HSD17B12: variants seen among roughly 807,000 people sequenced by gnomAD.
HSD17B12 encodes the protein very-long-chain 3-oxoacyl-CoA reductase.
A neutral mutation model predicts 39.3 loss-of-function variants in HSD17B12; 32 were observed. The observed-to-expected ratio is 0.81, with a 90% CI of 0.61 to 1.09. The LOEUF is 1.09. Among genes scored for constraint, HSD17B12 ranks in the 50% least tolerant of loss-of-function variants. The pLI is 0.00. For synonymous variants in HSD17B12, 150 were observed against 146.7 expected (o/e 1.02, Z -0.16); for missense variants, 342 against 382.9 (o/e 0.89, Z 0.89).
intron 3 of HSD17B12, among the ~76,000 whole-genome samples, chr11:43,791,743 A>T (rs1023351626): frequency 1.3e-5 from 2 of 152,208 alleles, no homozygotes; most frequent in African/African-American, 4.8e-5. Flanking sequence ...GATGGAGCCT[A>T]TTCACGTCCT....
chr11:43,815,085 G>A (rs1951109444), intron 4 of HSD17B12, among the ~76,000 whole-genome samples: 1 of 152,066 alleles, frequency 6.6e-6, no homozygotes. Context: ...TCTTTCTACT[G>A]CACTATGAAA....
At chr11:43,557,242 T>A in the HSD17B12 span, among the ~76,000 whole-genome samples, 1 of 152,274 alleles carries the variant, frequency 6.6e-6, no homozygotes, top group East Asian at 1.9e-4. Context: ...GTTCTGTGGT[T>A]TGGGGGTGGA....
At chr11:43,814,267 C>T (rs193227423) in intron 4 of HSD17B12, among the ~76,000 whole-genome samples, 3 of 151,952 alleles carry the variant, frequency 2.0e-5, no homozygotes, top group African/African-American at 7.2e-5. Flanking sequence ...GTTTGAATCC[C>T]GGCATACTTT....
intron 1 of HSD17B12, chr11:43,734,311 G>T (rs969506372): frequency 1.5e-4 from 171 of 1,122,912 alleles, no homozygotes; most frequent in Admixed American, 6.8e-5. Context: ...AAGCCAAAAA[G>T]GTGGCTCAGC....
intron 6 of HSD17B12, among the ~76,000 whole-genome samples, chr11:43,825,939 AATT>A (rs77121064): frequency 0.64 from 96,445 of 151,716 alleles, 31,089 homozygotes; most frequent in East Asian, 0.71. Flanking sequence ...CAACTTTAGA[AATT>A]ATTTTCTCCT....
chr11:43,629,411 A>G, the HSD17B12 span, among the ~76,000 whole-genome samples: 1 of 152,120 alleles, frequency 6.6e-6, no homozygotes, highest in Non-Finnish European at 1.5e-5. Context: ...ACCTTCAGAG[A>G]GCTACTATTA....
intron 1 of HSD17B12, among the ~76,000 whole-genome samples, chr11:43,683,094 GTTTTTT>G: frequency 1.2e-5 from 1 of 81,000 alleles, no homozygotes; most frequent in African/African-American, 4.6e-5. Flanking sequence ...GCCTGGATGT[GTTTTTT>G]TTTGTTTTTT....
Position 43,734,060 on chromosome 11 carries a change from A to G in HSD17B12, c.161-16851A>G, listed in dbSNP as rs142612664. 569 of 886,470 alleles carry G rather than the reference A, an allele frequency of 6.4e-4. 1 individual carries two copies. The African/African-American group carries it at 8.1e-3, about 13-fold the overall frequency. The allele number at this position is 886,470 out of a possible 1,614,324, so 54.9% of individuals were successfully genotyped here. A position where few individuals can be genotyped will look rare whatever the true frequency, so the allele number is the denominator to read the frequency against. On this transcript the variant is annotated intron_variant, in intron 1 of 10. Transcript: ENST00000278353. ...TCCTCTTCCGGCCTATCGCTAGCCA[A>G]CTTCCTCATATCTTCACCAGCATCG...
chr11:43,694,340 T>G (rs1248743196), intron 1 of HSD17B12, among the ~76,000 whole-genome samples: 1 of 152,092 alleles, frequency 6.6e-6, no homozygotes, highest in Non-Finnish European at 1.5e-5. Flanking sequence ...ATAAGGGTGA[T>G]TTTAAGGCCA....
rs73540441 is a variant in HSD17B12, at chr11:43,733,888, G to A, written c.161-17023G>A. ...AGCTGCGATCTTTGACCAATTCCAT[G>A]GAGTACAGGACATTGTAGTAGGGGA... On this transcript the variant is annotated intron_variant, in intron 1 of 10. Coordinates refer to ENST00000278353, the MANE Select transcript of HSD17B12 (RefSeq NM_016142.3). 5.0e-3 allele frequency: 3,379 copies of A among 681,710 alleles called. 88 individuals are homozygous for A. The African/African-American group carries it at 0.05, about 10-fold the overall frequency. The allele number at this position is 681,710 out of a possible 1,614,324, so 42.2% of individuals were successfully genotyped here. A position where few individuals can be genotyped will look rare whatever the true frequency, so the allele number is the denominator to read the frequency against.
At position 43,829,800 on chromosome 11, in the gene HSD17B12, AC is replaced by A. The variant is rs1364264352; in HGVS notation, c.502-1175del. 6 of 152,186 alleles carry A rather than the reference AC, an allele frequency of 3.9e-5. No individual in the cohort carries two copies. In the East Asian group the frequency reaches 9.6e-4, roughly 24 times the overall value. The allele number at this position is 152,186 out of a possible 1,614,324, so 9.4% of individuals were successfully genotyped here. A position where few individuals can be genotyped will look rare whatever the true frequency, so the allele number is the denominator to read the frequency against. On this transcript the variant is annotated intron_variant, in intron 6 of 10. Coordinates refer to ENST00000278353, the MANE Select transcript of HSD17B12 (RefSeq NM_016142.3). Reference sequence around the variant, plus strand: ...GAGAACTGAATTATAGCTTCCCTTCACAAAATGCTGGGGGAACTCTTTATAA... The same window carrying A: ...GAGAACTGAATTATAGCTTCCCTTCAAAAATGCTGGGGGAACTCTTTATAA...
chr11:43,623,631 G>T, the HSD17B12 span, among the ~76,000 whole-genome samples: 3 of 151,690 alleles, frequency 2.0e-5, no homozygotes, highest in African/African-American at 7.3e-5. Context: ...TTTATTTCTG[G>T]CTTTAAATTT....
chr11:43,665,732 A>T, the HSD17B12 span, among the ~76,000 whole-genome samples: 269 of 152,302 alleles, frequency 1.8e-3, no homozygotes, highest in African/African-American at 5.3e-3. Flanking sequence ...AGAAGATTCT[A>T]TTCCTGATAT....
the HSD17B12 span, among the ~76,000 whole-genome samples, chr11:43,670,954 A>G: frequency 6.6e-6 from 1 of 152,102 alleles, no homozygotes; most frequent in East Asian, 1.9e-4. Flanking sequence ...TATAAACTAA[A>G]GTAGCTAGAA....
chr11:43,673,492 C>CTTTTCT, the HSD17B12 span: 761 of 83,976 alleles, frequency 9.1e-3, 1 homozygote, highest in South Asian at 0.011. Flanking sequence ...CTTTTCTTTT[C>CTTTTCT]TTTTTTTTTT....
At chr11:43,809,027 A>G (rs1036346574) in intron 4 of HSD17B12, among the ~76,000 whole-genome samples, 1 of 152,220 alleles carries the variant, frequency 6.6e-6, no homozygotes, top group African/African-American at 2.4e-5. Context: ...TTTAATCAGT[A>G]TAAATAGCAG....
chr11:43,687,033 A>AAGG (rs1949807242), intron 1 of HSD17B12, among the ~76,000 whole-genome samples: 1 of 151,440 alleles, frequency 6.6e-6, no homozygotes, highest in Non-Finnish European at 1.5e-5. Flanking sequence ...AATTTGTCAG[A>AAGG]TTTACATAAC....
chr11:43,853,816 AAGT>A (rs1951556753), intron 9 of HSD17B12: 1 of 131,304 alleles, frequency 7.6e-6, no homozygotes, highest in Admixed American at 8.3e-5. Flanking sequence ...AGAAAAAAAG[AAGT>A]ATCATTGCAG....
rs919420446 is a variant in HSD17B12, at chr11:43,721,093, T to C, written c.161-29818T>C. 2.0e-5 allele frequency among the ~76,000 whole-genome samples: 3 copies of C among 151,892 alleles called. No individual in the cohort carries two copies. The East Asian group carries it at 5.8e-4, about 29-fold the overall frequency. ...AGTTTTTTTTAAGGGAATATGGTGATGAGCAAGACAGTCATAGAGCTTACA... is the reference window on the plus strand; with the variant it reads ...AGTTTTTTTTAAGGGAATATGGTGACGAGCAAGACAGTCATAGAGCTTACA... On this transcript the variant is annotated intron_variant, in intron 1 of 10. Transcript: ENST00000278353.
Sources: allele counts gnomAD v4.1 joint callset (sites outside exome capture counted in the v4.1 genomes callset), GRCh38; gene constraint gnomAD v4.1.1; transcripts MANE v1.5; gene names NCBI Gene and HGNC (gene_info 2026-07-23, HGNC 2026-07-21).